The following MROH7 variants were observed in gnomAD, a reference collection of about 807,000 sequenced individuals.
The protein encoded by MROH7 is maestro heat-like repeat-containing protein family member 7.
A neutral mutation model predicts 129.2 loss-of-function variants in MROH7; 113 were observed. The ratio of observed to expected loss-of-function variants is 0.87; its 90% CI spans 0.75 to 1.02. MROH7 has a LOEUF of 1.02. Among genes scored for constraint, MROH7 ranks in the 50% least tolerant of loss-of-function variants. The pLI is 0.00. For missense variants in MROH7, 1,601 were observed against 1,671.3 expected (o/e 0.96, Z 0.73); for synonymous variants, 655 against 667.9 (o/e 0.98, Z 0.30).
intron 17 of MROH7, chr1:54,699,196 T>G (rs1248540570): frequency 7.7e-6 from 1 of 130,004 alleles, no homozygotes; most frequent in African/African-American, 2.8e-5. Context: ...TCTCTTTCTT[T>G]CTTTCTTTCT....
chr1:54,683,325 G>C (rs1223200309), intron 14 of MROH7, among the ~76,000 whole-genome samples: 2 of 152,126 alleles, frequency 1.3e-5, no homozygotes, highest in Non-Finnish European at 2.9e-5. Flanking sequence ...CATTCATTTA[G>C]GTGACACAAA....
Position 54,706,489 on chromosome 1 carries a change from G to A in MROH7, c.3619G>A (p.Ala1207Thr), listed in dbSNP as rs375499322. 7.1e-5 allele frequency: 114 copies of A among 1,613,410 alleles called. No homozygotes were observed. Among genetic ancestry groups the A allele is most frequent in the Non-Finnish European group, 9.0e-5 (106 of 1,179,964 alleles). Residue 1207 changes from alanine (A) to threonine (T), a missense_variant, in exon 22 of 24, where the codon GCC becomes ACC. By Grantham distance (58) the Ala-to-Thr change is moderately conservative. Transcript: ENST00000421030. ...ATTCCTCAGCCAGAGCCTGGAGTAT[G>A]CCAAGAACTCACGGGCCTCCCTCCG... ...FIFLSQSLEY[A>T]KNSRASLRKC...
At chr1:54,676,858 A>C (rs1350455216) in intron 10 of MROH7, among the ~76,000 whole-genome samples, 1 of 151,666 alleles carries the variant, frequency 6.6e-6, no homozygotes, top group East Asian at 2.0e-4. Context: ...ACAGGCATGC[A>C]CTACCGTGCC....
At chr1:54,668,972 G>A (rs1644854896) in intron 5 of MROH7, 35 bp downstream of exon 5, 3 of 1,475,476 alleles carry the variant, frequency 2.0e-6, no homozygotes, top group Non-Finnish European at 2.8e-6. Context: ...TGGCATTGGG[G>A]TGGGAGGGGG....
At chr1:54,695,734 G>T in intron 17 of MROH7, 1 of 547,354 alleles carries the variant, frequency 1.8e-6, no homozygotes, top group Non-Finnish European at 3.4e-6. Flanking sequence ...CCTTTGCTGG[G>T]CACCTCTGTG....
At position 54,686,369 on chromosome 1, in the gene MROH7, G is replaced by A. The variant is rs568121328; in HGVS notation, c.2632G>A (p.Gly878Ser). 135 of 1,614,058 alleles carry A rather than the reference G, an allele frequency of 8.4e-5. No individual in the cohort carries two copies. The highest frequency in any genetic ancestry group is 1.3e-4 in the South Asian group (12 of 91,068). Residue 878 changes from glycine to serine, a missense_variant, in exon 15 of 24, where the codon GGC becomes AGC. Coordinates refer to ENST00000421030, the MANE Select transcript of MROH7 (RefSeq NM_001039464.4). ...GCTCATTCAGGTCCATTACCACATCGGCCTCAACCTGCCTGGCTGCGTGGC... is the reference window on the plus strand; with the variant it reads ...GCTCATTCAGGTCCATTACCACATCAGCCTCAACCTGCCTGGCTGCGTGGC... ...ALLIQVHYHI[G>S]LNLPGCVAPP... is the part of the protein sequence containing the mutation.
At chr1:54,652,224 C>A (rs1461707002) in intron 2 of MROH7, among the ~76,000 whole-genome samples, 6 of 152,180 alleles carry the variant, frequency 3.9e-5, no homozygotes, top group Non-Finnish European at 8.8e-5. Context: ...CAGAGTAGTT[C>A]TAGCAACTTA....
rs149360403 is a variant in MROH7, at chr1:54,674,461, T to C, written c.1936+310T>C. ...GTATACCTAAGGATAATTCCCCTAA[T>C]ACCTTGTTTTCCTGTCTGTTTTCCC... On this transcript the variant is annotated intron_variant, in intron 10 of 23. Coordinates refer to ENST00000421030, the MANE Select transcript of MROH7 (RefSeq NM_001039464.4). Among the ~76,000 whole-genome samples the C allele has an allele frequency of 1.5e-3, 221 of 152,342 alleles. 1 individual carries two copies. The highest frequency in any genetic ancestry group is 4.9e-3 in the African/African-American group (202 of 41,574).
intron 13 of MROH7, among the ~76,000 whole-genome samples, chr1:54,682,160 CTTTT>C (rs36109984): frequency 4.4e-5 from 6 of 134,958 alleles, no homozygotes; most frequent in Admixed American, 7.6e-5. Flanking sequence ...TTCTTTCTTT[CTTTT>C]TTTTTTTTTT....
At chr1:54,700,193 G>T (rs865969481) in intron 17 of MROH7, 128 bp from the exon 18 acceptor site, 8 of 1,197,334 alleles carry the variant, frequency 6.7e-6, no homozygotes, top group African/African-American at 1.5e-5. Flanking sequence ...GCAATCTGTT[G>T]GTTTTGCAAG....
In MROH7 at chr1:54,692,562, G is replaced by T. The variant is rs1209860318; in HGVS notation, c.2849+1G>T. 1 of 1,609,774 alleles carries T rather than the reference G, an allele frequency of 6.2e-7. No individual in the cohort carries two copies. The highest frequency in any genetic ancestry group is 1.1e-5 in the South Asian group (1 of 91,012). On this transcript the variant is annotated splice_donor_variant, in intron 16 of 23. Transcript: ENST00000421030. LOFTEE classifies it high-confidence loss of function. ...ACCGCGGAGTGGCCTTGCTGGCAAG[G>T]TGAGTCCCGGGACCACCTTGGGGTT...
chr1:54,644,801 CT>C (rs553525945), intron 1 of MROH7, among the ~76,000 whole-genome samples: 16,622 of 138,100 alleles, frequency 0.12, 1,304 homozygotes, highest in African/African-American at 0.25. Flanking sequence ...AGCCAAATAA[CT>C]TTTTTTTTTT....
rs584991 is a variant in MROH7, at chr1:54,673,241, G to T, written c.1695+55G>T. On this transcript the variant is annotated intron_variant, in intron 8 of 23. Coordinates refer to ENST00000421030, the MANE Select transcript of MROH7 (RefSeq NM_001039464.4). ...GGGGAGGAAGGGTGGAGGGAAGAGA[G>T]AAATTGGTGCAGGAGCAGTGGAGGC... The T allele has an allele frequency of 0.014, 19,348 of 1,399,132 alleles. 1,219 individuals are homozygous for T. The Admixed American group carries it at 0.16, about 11-fold the overall frequency. The allele number at this position is 1,399,132 out of a possible 1,614,324, so 86.7% of individuals were successfully genotyped here. A position where few individuals can be genotyped will look rare whatever the true frequency, so the allele number is the denominator to read the frequency against.
At chr1:54,688,444 G>A (rs1645184869) in intron 15 of MROH7, among the ~76,000 whole-genome samples, 1 of 152,106 alleles carries the variant, frequency 6.6e-6, no homozygotes, top group African/African-American at 2.4e-5. Flanking sequence ...ATAGGAGTGT[G>A]CCTAACACTT....
chr1:54,682,693 A>G lies in MROH7; in HGVS notation c.2419A>G (p.Lys807Glu), dbSNP rs769440483. 8 of 1,614,066 alleles carry G rather than the reference A, an allele frequency of 5.0e-6. No homozygotes were observed. The South Asian group carries it at 6.6e-5, about 13-fold the overall frequency. ...AEMWRQLILC[K>E]PSCDVRDLLD... ...GATGTGGAGGCAGCTGATACTGTGT[A>G]AGCCCAGCTGTGATGTCCGAGACCT... The change falls in exon 14 of 24, where the codon AAG (lysine) becomes GAG (glutamate). Residue 807 changes from lysine (K) to glutamate (E), a missense_variant. Transcript: ENST00000421030.
chr1:54,679,432 T>C lies in MROH7; in HGVS notation c.2219T>C (p.Leu740Pro), dbSNP rs774323354. Reference protein sequence around the residue: ...SVLEWYRHRALEVIPEIMQGI... With the variant: ...SVLEWYRHRAPEVIPEIMQGI... ...CTGGAGTGGTACCGCCACAGGGCGC[T>C]GGAGGTGGTAAGGCCTCCTGGGGGC... The change falls in exon 12 of 24, where the codon CTG (leucine) becomes CCG (proline). Residue 740 changes from leucine to proline, a missense_variant. Coordinates refer to ENST00000421030, the MANE Select transcript of MROH7 (RefSeq NM_001039464.4). 1.2e-6 allele frequency: 2 copies of C among 1,612,714 alleles called. No homozygotes were observed. Among genetic ancestry groups the C allele is most frequent in the East Asian group, 4.5e-5 (2 of 44,838 alleles).
chr1:54,649,281 GT>G (rs1347343274), intron 1 of MROH7, among the ~76,000 whole-genome samples: 1 of 152,272 alleles, frequency 6.6e-6, no homozygotes, highest in African/African-American at 2.4e-5. Context: ...GACAGCACTA[GT>G]TGTTTTATGG....
At chr1:54,702,053 G>C in intron 19 of MROH7, 37 bp from the exon 20 acceptor site, 1 of 1,516,884 alleles carries the variant, frequency 6.6e-7, no homozygotes, top group Non-Finnish European at 8.9e-7. Context: ...TGGCGTCCCA[G>C]AGGAGGGACC....
intron 10 of MROH7, among the ~76,000 whole-genome samples, chr1:54,674,729 A>G (rs1203134762): frequency 6.6e-6 from 1 of 152,224 alleles, no homozygotes. Context: ...ACAGGTATCC[A>G]GAAGGCATTG....
Sources: gnomAD v4.1 joint callset for allele counts (sites outside exome capture counted in the v4.1 genomes callset) on GRCh38, gnomAD v4.1.1 for gene constraint, MANE v1.5 for transcripts, NCBI Gene and HGNC (gene_info 2026-07-23, HGNC 2026-07-21) for gene names.